AGBL4: variants seen among roughly 807,000 people sequenced by gnomAD.
AGBL4 encodes cytosolic carboxypeptidase 6.
A neutral mutation model predicts 66.4 loss-of-function variants in AGBL4; 58 were observed. The observed-to-expected ratio is 0.87, with a 90% CI of 0.71 to 1.09. The LOEUF (loss-of-function observed/expected upper bound fraction) is 1.09. AGBL4 is among the 50% of genes least tolerant of loss of function. The pLI is 0.00. For missense variants in AGBL4, 579 were observed against 631.0 expected (o/e 0.92, Z 0.88); for synonymous variants, 234 against 222.9 (o/e 1.05, Z -0.44).
At chr1:49,915,889 C>T (rs898527996) in intron 1 of AGBL4, among the ~76,000 whole-genome samples, 15 of 152,208 alleles carry the variant, frequency 9.9e-5, no homozygotes, top group African/African-American at 3.4e-4. Context: ...GACGAAGCTT[C>T]CAGAGGAATG....
intron 3 of AGBL4, among the ~76,000 whole-genome samples, chr1:49,566,610 G>A (rs1030514334): frequency 2.4e-4 from 36 of 152,218 alleles, no homozygotes; most frequent in Non-Finnish European, 4.4e-4. Context: ...CTGCAGAACA[G>A]CGGATATTGG....
chr1:49,781,310 C>A (rs926750886), intron 2 of AGBL4, among the ~76,000 whole-genome samples: 4 of 152,072 alleles, frequency 2.6e-5, no homozygotes, highest in African/African-American at 9.7e-5. Flanking sequence ...GGAAGGATTG[C>A]TTGAGCCTAG....
chr1:49,455,590 T>C (rs566651198), intron 3 of AGBL4, among the ~76,000 whole-genome samples: 1 of 151,842 alleles, frequency 6.6e-6, no homozygotes, highest in South Asian at 2.1e-4. Context: ...CATAGAATGC[T>C]GAAACAGTCC....
chr1:48,931,303 G>A (rs1056148832), intron 5 of AGBL4, among the ~76,000 whole-genome samples: 1 of 152,132 alleles, frequency 6.6e-6, no homozygotes, highest in Non-Finnish European at 1.5e-5. Flanking sequence ...TTGGGAGCTA[G>A]ACAAATTCTT....
At chr1:48,619,285 G>A (rs183788576) in intron 9 of AGBL4, among the ~76,000 whole-genome samples, 1 of 152,324 alleles carries the variant, frequency 6.6e-6, no homozygotes, top group East Asian at 1.9e-4. Flanking sequence ...CATCCCTCAG[G>A]GAGTCCACAT....
intron 2 of AGBL4, among the ~76,000 whole-genome samples, chr1:49,839,814 A>G (rs919092199): frequency 1.3e-5 from 2 of 152,220 alleles, no homozygotes; most frequent in Admixed American, 1.3e-4. Context: ...TTACAAAAAG[A>G]GGGAAACAAG....
intron 1 of AGBL4, among the ~76,000 whole-genome samples, chr1:49,892,585 A>G (rs975248703): frequency 2.6e-5 from 4 of 151,966 alleles, no homozygotes; most frequent in Non-Finnish European, 5.9e-5. Context: ...TGCTTGCTCT[A>G]TCTCCCTACC....
intron 4 of AGBL4, among the ~76,000 whole-genome samples, chr1:49,193,813 G>A (rs745897474): frequency 5.5e-4 from 83 of 152,204 alleles, no homozygotes; most frequent in Middle Eastern, 6.8e-3. Flanking sequence ...GATTACAGGC[G>A]TGAGCCACCG....
At chr1:49,033,256 G>C (rs1407377598) in intron 5 of AGBL4, among the ~76,000 whole-genome samples, 1 of 152,128 alleles carries the variant, frequency 6.6e-6, no homozygotes, top group Non-Finnish European at 1.5e-5. Context: ...GTTTAATTTA[G>C]AGTGTCTGAT....
intron 6 of AGBL4, chr1:48,761,138 G>C: frequency 1.8e-6 from 1 of 566,336 alleles, no homozygotes; most frequent in South Asian, 2.2e-5. Context: ...GGCACAGCAT[G>C]AATCAGGGCT....
chr1:49,962,438 T>A (rs1431605344), intron 1 of AGBL4, among the ~76,000 whole-genome samples: 1 of 152,160 alleles, frequency 6.6e-6, no homozygotes, highest in Admixed American at 6.6e-5. Context: ...AAAAATTGAT[T>A]CTAATGGCAT....
At chr1:48,649,884 A>G (rs1169006425) in intron 8 of AGBL4, among the ~76,000 whole-genome samples, 3 of 152,242 alleles carry the variant, frequency 2.0e-5, no homozygotes, top group Admixed American at 2.0e-4. Flanking sequence ...TCATAACTCT[A>G]TAGTATCTCC....
chr1:49,538,023 T>C (rs528564131), intron 3 of AGBL4, among the ~76,000 whole-genome samples: 1 of 151,988 alleles, frequency 6.6e-6, no homozygotes, highest in East Asian at 1.9e-4. Context: ...ACAACCTCTA[T>C]GGACACCTGT....
intron 6 of AGBL4, among the ~76,000 whole-genome samples, chr1:48,839,505 T>C (rs1646752205): frequency 6.6e-6 from 1 of 152,056 alleles, no homozygotes; most frequent in African/African-American, 2.4e-5. Context: ...TTCTTACTTG[T>C]ATGTGAGAGC....
intron 3 of AGBL4, among the ~76,000 whole-genome samples, chr1:49,577,071 T>C (rs946251547): frequency 6.6e-6 from 1 of 152,214 alleles, no homozygotes; most frequent in African/African-American, 2.4e-5. Context: ...GATCAGGGAC[T>C]TGGAAGAAGC....
At chr1:49,604,186 C>A (rs1645021191) in intron 3 of AGBL4, among the ~76,000 whole-genome samples, 1 of 152,134 alleles carries the variant, frequency 6.6e-6, no homozygotes, top group Admixed American at 6.5e-5. Context: ...AATTTACACT[C>A]CCACCGGGAG....
rs1290637174 is a variant in AGBL4 at position 49,583,510 on chromosome 1, G to A, written c.282+113803C>T. Among the ~76,000 whole-genome samples the A allele has an allele frequency of 3.3e-5, 5 of 152,172 alleles. No individual in the cohort carries two copies. In the South Asian group the frequency reaches 6.2e-4, roughly 19 times the overall value. On this transcript the variant is annotated intron_variant, in intron 3 of 13. Transcript: ENST00000371839. ...ATTTTTAGCAAATTCAAACATCAAT[G>A]TGGGTAATATGGGGCCCCCTGCTTG... is the stretch of plus-strand genomic sequence containing the variant.
intron 5 of AGBL4, among the ~76,000 whole-genome samples, chr1:48,948,548 CT>C (rs1415442778): frequency 6.6e-6 from 1 of 152,212 alleles, no homozygotes; most frequent in African/African-American, 2.4e-5. Flanking sequence ...TAAACAGCTG[CT>C]TTAATTTAGC....
chr1:49,923,461 G>C lies in AGBL4; in HGVS notation c.35-71943C>G, dbSNP rs566256487. Among the ~76,000 whole-genome samples, 3 of 151,960 alleles carry C rather than the reference G, an allele frequency of 2.0e-5. No homozygotes were observed. In the South Asian group the frequency reaches 6.2e-4, roughly 32 times the overall value. ...TGGTGACAAAATAAAAAAAAAATAA[G>C]TGTGACCTAAGTAAACTAAAGAGCT... On this transcript the variant is annotated intron_variant, in intron 1 of 13. Coordinates refer to ENST00000371839, the MANE Select transcript of AGBL4 (RefSeq NM_032785.4).
Sources: gnomAD v4.1 joint callset for allele counts (sites outside exome capture counted in the v4.1 genomes callset) on GRCh38, gnomAD v4.1.1 for gene constraint, MANE v1.5 for transcripts, NCBI Gene and HGNC (gene_info 2026-07-23, HGNC 2026-07-21) for gene names.